The following SMC4 variants were observed in gnomAD, a reference collection of about 807,000 sequenced individuals.
SMC4 encodes the protein structural maintenance of chromosomes 4.
SMC4 carries 87 observed loss-of-function variants against 145.6 expected under a neutral mutation model. The ratio of observed to expected loss-of-function variants is 0.60; its 90% CI spans 0.50 to 0.71. SMC4 has a LOEUF of 0.71. SMC4 is among the 30% of genes least tolerant of loss of function. The probability of loss-of-function intolerance (pLI) is 0.00; values close to 1 mark genes in which losing one functional copy is unlikely to be tolerated. For synonymous variants in SMC4, 558 were observed against 500.7 expected (o/e 1.11, Z -1.53); for missense variants, 1,447 against 1,537.1 (o/e 0.94, Z 0.98).
intron 5 of SMC4, among the ~76,000 whole-genome samples, chr3:160,410,734 T>G (rs1715894497): frequency 6.6e-6 from 1 of 152,212 alleles, no homozygotes; most frequent in African/African-American, 2.4e-5. Context: ...TGTTTACTTT[T>G]TGTAATTATG....
Position 160,414,468 on chromosome 3 carries a change from C to T in SMC4, c.1223C>T (p.Thr408Met), listed in dbSNP as rs370795148. The T allele has an allele frequency of 1.4e-5, 22 of 1,610,558 alleles. No individual in the cohort carries two copies. Among genetic ancestry groups the T allele is most frequent in the East Asian group, 2.2e-5 (1 of 44,774 alleles). ...VQVREKLKHA[T>M]SKAKKLEKQL... ...GTTAGAGAAAAGTTAAAACATGCCACGAGTAAAGCCAAAAAACTGGAGAAA... is the reference window on the plus strand; with the variant it reads ...GTTAGAGAAAAGTTAAAACATGCCATGAGTAAAGCCAAAAAACTGGAGAAA... The change falls in exon 9 of 24, where the codon ACG (threonine) becomes ATG (methionine). Residue 408 changes from threonine (T) to methionine (M), a missense_variant. Physicochemically the swap from Thr to Met is moderately conservative, Grantham distance 81 (BLOSUM62 -1). Coordinates refer to ENST00000357388, the MANE Select transcript of SMC4 (RefSeq NM_001002800.3).
intron 5 of SMC4, among the ~76,000 whole-genome samples, chr3:160,405,872 TTGA>T (rs939027593): frequency 6.6e-6 from 1 of 152,050 alleles, no homozygotes; most frequent in Non-Finnish European, 1.5e-5. Flanking sequence ...AATACTAAAT[TTGA>T]TGATGATACC....
Position 160,434,012 on chromosome 3 carries a change from A to G in SMC4, c.*203A>G. 1 of 404,060 alleles carries G rather than the reference A, an allele frequency of 2.5e-6. No homozygotes were observed. The highest frequency in any genetic ancestry group is 3.9e-5 in the South Asian group (1 of 25,934). 25.0% of individuals were successfully genotyped at this position (404,060 alleles called of 1,614,324 possible). On this transcript the variant is annotated 3_prime_UTR_variant, in exon 24 of 24. Transcript: ENST00000357388. ...ATTACAAAAATATGACAATCTTGTA[A>G]GTAGCAGACTATGGAGAAAAATGAG...
In SMC4 at chr3:160,433,713, G is replaced by A. The variant is rs758980229; in HGVS notation, c.3771G>A (p.Glu1257=). The A allele has an allele frequency of 5.7e-6, 9 of 1,586,816 alleles. No homozygotes were observed. The highest frequency in any genetic ancestry group is 7.7e-6 in the Non-Finnish European group (9 of 1,164,074). ...TTTCTCTTCGAAATAATATGTTTGA[G>A]ATTTCGGATAGACTTATTGGAATTT... is the stretch of plus-strand genomic sequence containing the variant. The part of the protein sequence containing the change: ...IIISLRNNMF[E]ISDRLIGIYK... Residue 1257 remains glutamate, a synonymous_variant, in exon 24 of 24, where the codon GAG becomes GAA. Transcript: ENST00000357388.
At position 160,416,390 on chromosome 3, in the gene SMC4, C is replaced by A; in HGVS notation, c.1412C>A (p.Thr471Lys). 2.7e-6 allele frequency: 4 copies of A among 1,480,446 alleles called. No individual in the cohort carries two copies. The highest frequency in any genetic ancestry group is 3.0e-5 in the South Asian group (2 of 66,134). 91.7% of individuals were successfully genotyped at this position (1,480,446 alleles called of 1,614,324 possible). ...GTTATGGATAGCCTTAAACAGGAAA[C>A]ACAAGGGCTTCAGAAAGAAAAAGAA... is the stretch of plus-strand genomic sequence containing the variant. ...KEVMDSLKQETQGLQKEKESR... is the reference protein window; with the variant it reads ...KEVMDSLKQEKQGLQKEKESR... The change falls in exon 10 of 24, where the codon ACA becomes AAA. Residue 471 changes from threonine (T) to lysine (K), a missense_variant. By Grantham distance (78) the Thr-to-Lys change is moderately conservative (BLOSUM62 -1). Coordinates refer to ENST00000357388, the MANE Select transcript of SMC4 (RefSeq NM_001002800.3).
intron 23 of SMC4, 108 bp from the exon 24 acceptor site, chr3:160,433,549 T>C: frequency 1.5e-6 from 1 of 667,000 alleles, no homozygotes; most frequent in Non-Finnish European, 2.5e-6. Context: ...ATCATTCCTT[T>C]ACATGTTATC....
At chr3:160,408,068 CTT>C (rs1480590615) in intron 5 of SMC4, among the ~76,000 whole-genome samples, 1 of 152,124 alleles carries the variant, frequency 6.6e-6, no homozygotes, top group African/African-American at 2.4e-5. Context: ...AAGATAAAAA[CTT>C]AAACCTCAGT....
At chr3:160,432,548 GT>G in intron 22 of SMC4, 33 bp downstream of exon 22, 1 of 1,319,696 alleles carries the variant, frequency 7.6e-7, no homozygotes, top group Non-Finnish European at 1.0e-6. Context: ...TAATCCCACT[GT>G]TACCTTTTTC....
chr3:160,424,801 A>C (rs950845383), intron 15 of SMC4, 66 bp from the exon 16 acceptor site: 9 of 1,580,848 alleles, frequency 5.7e-6, no homozygotes, highest in African/African-American at 1.4e-5. Flanking sequence ...CAGAAGTTTT[A>C]GTTTTCTTCG....
chr3:160,427,948 CACAA>C (rs746487840), intron 17 of SMC4, among the ~76,000 whole-genome samples: 25 of 150,000 alleles, frequency 1.7e-4, no homozygotes, highest in Non-Finnish European at 2.4e-4. Context: ...CACGCACACA[CACAA>C]ACACACACAC....
At chr3:160,401,037 C>T in intron 2 of SMC4, 72 bp downstream of exon 2, 2 of 1,354,312 alleles carry the variant, frequency 1.5e-6, no homozygotes, top group South Asian at 3.6e-5. Flanking sequence ...CAGCCCGAGG[C>T]TGGCTGGGGT....
chr3:160,413,842 T>C (rs1287113444), intron 8 of SMC4: 13 of 348,750 alleles, frequency 3.7e-5, no homozygotes, highest in Non-Finnish European at 6.8e-5. Flanking sequence ...CCTAGTGGCG[T>C]AGCACAGTAA....
intron 19 of SMC4, 111 bp from the exon 20 acceptor site, chr3:160,430,921 T>C (rs1488366651): frequency 1.6e-6 from 2 of 1,283,638 alleles, no homozygotes; most frequent in African/African-American, 3.0e-5. Context: ...GCTTAAATTA[T>C]TTTAAAATGG....
At chr3:160,424,718 G>T (rs2108492679) in intron 15 of SMC4, 149 bp from the exon 16 acceptor site, 3 of 724,740 alleles carry the variant, frequency 4.1e-6, no homozygotes, top group Non-Finnish European at 6.9e-6. Context: ...GCTGAGGCAG[G>T]AGAATCGCTT....
intron 17 of SMC4, among the ~76,000 whole-genome samples, chr3:160,428,071 C>T (rs1448748975): frequency 6.6e-6 from 1 of 152,182 alleles, no homozygotes; most frequent in African/African-American, 2.4e-5. Context: ...GCTGCGATGG[C>T]GCCACTGCAC....
chr3:160,401,105 A>G (rs1001776749), intron 2 of SMC4, 140 bp downstream of exon 2: 2 of 1,185,076 alleles, frequency 1.7e-6, no homozygotes, highest in East Asian at 6.5e-5. Flanking sequence ...AGGCTCAGGA[A>G]AGCCATTTGG....
At chr3:160,428,052 T>C (rs946561203) in intron 17 of SMC4, among the ~76,000 whole-genome samples, 80 of 152,214 alleles carry the variant, frequency 5.3e-4, no homozygotes, top group African/African-American at 1.8e-3. Context: ...TGGATGGAGG[T>C]TGCAGTGAGC....
In SMC4 at chr3:160,426,080, A is replaced by G; in HGVS notation, c.2485A>G (p.Ile829Val). The change falls in exon 17 of 24, where the codon ATA (isoleucine) becomes GTA (valine). Residue 829 changes from isoleucine (I) to valine (V), a missense_variant. Transcript: ENST00000357388. ...TGTTAAAACTTTTTTGTAGCGTTTA[A>G]TAGAGCAAGAAGAATATTTGAATGT... ...EKFTASIQRL[I>V]EQEEYLNVQV... The G allele has an allele frequency of 1.2e-6, 2 of 1,600,456 alleles. No individual in the cohort carries two copies. Among genetic ancestry groups the G allele is most frequent in the Non-Finnish European group, 8.5e-7 (1 of 1,173,760 alleles).
intron 18 of SMC4, among the ~76,000 whole-genome samples, chr3:160,429,617 G>A (rs1718159583): frequency 6.6e-6 from 1 of 151,074 alleles, no homozygotes; most frequent in African/African-American, 2.4e-5. Context: ...AAAAGACTGA[G>A]ATTACAGGCA....
Sources: gnomAD v4.1 joint callset for allele counts (sites outside exome capture counted in the v4.1 genomes callset) on GRCh38, gnomAD v4.1.1 for gene constraint, MANE v1.5 for transcripts, NCBI Gene and HGNC (gene_info 2026-07-23, HGNC 2026-07-21) for gene names.